NHSL2: variants seen among roughly 807,000 people sequenced by gnomAD.
The protein encoded by NHSL2 is NHS like 2, also known as NHS-like protein 2.
Under a neutral mutation model 53.4 loss-of-function variants are expected in NHSL2, and 27 were observed. The observed-to-expected ratio is 0.51, with a 90% CI of 0.37 to 0.70. The LOEUF (loss-of-function observed/expected upper bound fraction) is 0.70. Ranked by LOEUF, NHSL2 falls within the 30% of genes least tolerant of loss-of-function variation. The probability of loss-of-function intolerance (pLI) is 0.00; values close to 1 mark genes in which losing one functional copy is unlikely to be tolerated. For synonymous variants in NHSL2, 408 were observed against 404.1 expected (o/e 1.01, Z -0.12); for missense variants, 892 against 980.1 (o/e 0.91, Z 1.20).
intron 1 of NHSL2, among the ~76,000 whole-genome samples, chrX:71,933,186 T>A (rs767346212): frequency 9.0e-6 from 1 of 111,178 alleles, no homozygotes; most frequent in South Asian, 3.8e-4. Flanking sequence ...CTGGATTTGT[T>A]GTTTGTGCAC....
intron 1 of NHSL2, among the ~76,000 whole-genome samples, chrX:71,998,804 T>A (rs997419008): frequency 2.4e-4 from 27 of 111,546 alleles, no homozygotes; most frequent in Non-Finnish European, 4.7e-4. Flanking sequence ...TGCCCCATGC[T>A]CATTCATGAC....
At chrX:72,093,423 A>G (rs1018541825) in intron 1 of NHSL2, among the ~76,000 whole-genome samples, 6 of 112,345 alleles carry the variant, frequency 5.3e-5, no homozygotes. Flanking sequence ...TAGTCAGGTT[A>G]TCTCCATCCA....
chrX:72,033,266 A>G (rs1038938410), intron 1 of NHSL2, among the ~76,000 whole-genome samples: 28 of 104,920 alleles, frequency 2.7e-4, no homozygotes, highest in African/African-American at 9.6e-4. Flanking sequence ...GGCTCACTGC[A>G]ACCTCCGACT....
At chrX:72,086,855 A>C (rs1295446712) in intron 1 of NHSL2, among the ~76,000 whole-genome samples, 1 of 111,429 alleles carries the variant, frequency 9.0e-6, no homozygotes. Context: ...ACGAGAGTTA[A>C]ACATAGAATT....
chrX:71,945,185 A>G (rs1190288625), intron 1 of NHSL2, among the ~76,000 whole-genome samples: 1 of 112,015 alleles, frequency 8.9e-6, no homozygotes, highest in Non-Finnish European at 1.9e-5. Context: ...GAGTTAGGGC[A>G]TCCAATACTA....
intron 1 of NHSL2, among the ~76,000 whole-genome samples, chrX:71,963,449 T>C (rs890239364): frequency 9.0e-6 from 1 of 111,130 alleles, no homozygotes; most frequent in Non-Finnish European, 1.9e-5. Context: ...AATCATGATA[T>C]TAAATATAAA....
intron 1 of NHSL2, among the ~76,000 whole-genome samples, chrX:71,956,312 T>C (rs1005759787): frequency 1.8e-5 from 2 of 112,075 alleles, no homozygotes; most frequent in African/African-American, 6.5e-5. Flanking sequence ...CCCTTATTGA[T>C]CACCTTTAAT....
At chrX:72,105,237 C>T (rs935639165) in intron 1 of NHSL2, among the ~76,000 whole-genome samples, 1 of 110,266 alleles carries the variant, frequency 9.1e-6, no homozygotes, top group Non-Finnish European at 1.9e-5. Flanking sequence ...AGCCATGGAC[C>T]AACACCTCTG....
At chrX:72,062,440 C>T (rs2042404430) in intron 1 of NHSL2, among the ~76,000 whole-genome samples, 3 of 112,042 alleles carry the variant, frequency 2.7e-5, no homozygotes, top group African/African-American at 9.7e-5. Flanking sequence ...TTGGAGACCA[C>T]AGCTGGTGGG....
rs1485324588 is a variant in NHSL2, at chrX:72,139,443, C to T, written c.1895C>T (p.Thr632Ile). 1 of 1,208,877 alleles carries T rather than the reference C, an allele frequency of 8.3e-7. No individual in the cohort carries two copies. Among genetic ancestry groups the T allele is most frequent in the African/African-American group, 1.8e-5 (1 of 56,981 alleles). ...AIPNHKDPES[T>I]QFSHHWYLTD... ...CCAAACCACAAAGATCCAGAAAGTACACAATTCTCCCACCACTGGTATCTT... is the reference window on the plus strand; with the variant it reads ...CCAAACCACAAAGATCCAGAAAGTATACAATTCTCCCACCACTGGTATCTT... Residue 632 changes from threonine to isoleucine, a missense_variant, in exon 6 of 8, where the codon ACA becomes ATA. Thr to Ile is a moderately conservative substitution (Grantham distance 89, BLOSUM62 -1). Coordinates refer to ENST00000633930, the MANE Select transcript of NHSL2 (RefSeq NM_001013627.3).
intron 1 of NHSL2, among the ~76,000 whole-genome samples, chrX:72,011,104 A>T (rs1238641252): frequency 8.9e-6 from 1 of 112,264 alleles, no homozygotes; most frequent in African/African-American, 3.2e-5. Context: ...GCGTGTATCA[A>T]TAGTCTGCCC....
chrX:72,079,191 C>T (rs1214405821), intron 1 of NHSL2, among the ~76,000 whole-genome samples: 1 of 112,770 alleles, frequency 8.9e-6, no homozygotes, highest in Non-Finnish European at 1.9e-5. Flanking sequence ...GAGCTTCTCC[C>T]ACATGCGATT....
Position 71,956,749 on chromosome X carries a change from C to G in NHSL2, c.280+45382C>G, listed in dbSNP as rs1386374445. Reference sequence around the variant, plus strand: ...TCGGCTCAAAGTTACACAGCCAACACGTAACTGAGCTGGGATGCAAATCCA... The same window carrying G: ...TCGGCTCAAAGTTACACAGCCAACAGGTAACTGAGCTGGGATGCAAATCCA... On this transcript the variant is annotated intron_variant, in intron 1 of 7. Coordinates refer to ENST00000633930, the MANE Select transcript of NHSL2 (RefSeq NM_001013627.3). Among the ~76,000 whole-genome samples the G allele has an allele frequency of 1.4e-4, 16 of 111,111 alleles. No homozygotes were observed. In the Admixed American group the frequency reaches 1.5e-3, roughly 11 times the overall value.
At chrX:72,019,194 C>T (rs1014177462) in intron 1 of NHSL2, among the ~76,000 whole-genome samples, 1 of 112,522 alleles carries the variant, frequency 8.9e-6, no homozygotes, top group East Asian at 2.8e-4. Context: ...GAGCTGTCTG[C>T]AGTGGAGCGC....
intron 1 of NHSL2, among the ~76,000 whole-genome samples, chrX:71,916,455 G>C (rs1274265545): frequency 3.6e-5 from 4 of 111,762 alleles, no homozygotes; most frequent in African/African-American, 1.3e-4. Flanking sequence ...GCCTCGAAAA[G>C]TGGGCACAAC....
At chrX:72,099,331 A>G (rs369680237) in intron 1 of NHSL2, among the ~76,000 whole-genome samples, 5 of 107,042 alleles carry the variant, frequency 4.7e-5, no homozygotes, top group East Asian at 5.8e-4. Context: ...CTATTTGCCA[A>G]TTTTGGCACC....
At chrX:71,935,593 A>G (rs746882328) in intron 1 of NHSL2, among the ~76,000 whole-genome samples, 47 of 112,325 alleles carry the variant, frequency 4.2e-4, no homozygotes, top group African/African-American at 1.2e-3. Context: ...TCTGAGGTAC[A>G]CTCTGTAGCT....
At chrX:71,964,335 T>C (rs1035193757) in intron 1 of NHSL2, among the ~76,000 whole-genome samples, 4 of 107,122 alleles carry the variant, frequency 3.7e-5, no homozygotes, top group Admixed American at 3.1e-4. Context: ...GATCTTGTGA[T>C]AGTTTGCTGA....
At chrX:71,918,172 T>C (rs998323348) in intron 1 of NHSL2, among the ~76,000 whole-genome samples, 1 of 110,638 alleles carries the variant, frequency 9.0e-6, no homozygotes, top group Non-Finnish European at 1.9e-5. Flanking sequence ...AAAGCAAGAG[T>C]CTACCTGCCT....
Sources: gnomAD v4.1 joint callset for allele counts (sites outside exome capture counted in the v4.1 genomes callset) on GRCh38, gnomAD v4.1.1 for gene constraint, MANE v1.5 for transcripts, NCBI Gene and HGNC (gene_info 2026-07-23, HGNC 2026-07-21) for gene names.